Variants in CSMD1 observed in about 807,000 individuals in gnomAD.
CSMD1 encodes CUB and Sushi multiple domains 1.
CSMD1 carries 213 observed loss-of-function variants against 417.5 expected under a neutral mutation model. The observed-to-expected ratio is 0.51, with a 90% CI of 0.46 to 0.57. The LOEUF (loss-of-function observed/expected upper bound fraction) is 0.57, where lower values mean the gene tolerates loss of function less well. Among genes scored for constraint, CSMD1 ranks in the 20% least tolerant of loss-of-function variants. CSMD1 has a pLI of 0.00. For synonymous variants in CSMD1, 2,862 were observed against 1,736.8 expected, an observed-to-expected ratio of 1.65 and a Z score of -16.11; for missense variants, 6,923 against 4,529.7, an observed-to-expected ratio of 1.53 and a Z score of -15.17.
chr8:4,256,237 C>T (rs535223732), intron 3 of CSMD1, among the ~76,000 whole-genome samples: 1 of 152,296 alleles, frequency 6.6e-6, no homozygotes, highest in East Asian at 1.9e-4. Context: ...CTCAAACCAA[C>T]CTTCTCTCTC....
intron 3 of CSMD1, among the ~76,000 whole-genome samples, chr8:4,306,663 G>C (rs1394476): frequency 0.48 from 73,467 of 151,758 alleles, 19,164 homozygotes; most frequent in South Asian, 0.63. Flanking sequence ...ATCACATGTA[G>C]GTGATTGTAC....
chr8:4,236,231 G>A (rs571696392), intron 3 of CSMD1, among the ~76,000 whole-genome samples: 1 of 151,970 alleles, frequency 6.6e-6, no homozygotes, highest in African/African-American at 2.4e-5. Flanking sequence ...ATAATCCATC[G>A]CATCACCTAC....
intron 5 of CSMD1, among the ~76,000 whole-genome samples, chr8:3,918,478 CG>C (rs1279308754): frequency 6.6e-6 from 1 of 152,004 alleles, no homozygotes; most frequent in Non-Finnish European, 1.5e-5. Context: ...ACCTGTTGGA[CG>C]TTTGTATGTC....
chr8:3,808,789 T>A (rs887143769), intron 5 of CSMD1, among the ~76,000 whole-genome samples: 4 of 152,178 alleles, frequency 2.6e-5, no homozygotes, highest in Non-Finnish European at 4.4e-5. Flanking sequence ...TGTCTCGGAA[T>A]TGGAAAATTT....
intron 3 of CSMD1, among the ~76,000 whole-genome samples, chr8:4,403,920 C>T (rs1455620503): frequency 9.9e-5 from 15 of 152,196 alleles, no homozygotes; most frequent in Non-Finnish European, 2.2e-4. Context: ...GCATTAACTC[C>T]AATCTTCGCC....
At chr8:3,785,782 G>C (rs1799426101) in intron 5 of CSMD1, among the ~76,000 whole-genome samples, 1 of 152,070 alleles carries the variant, frequency 6.6e-6, no homozygotes, top group Admixed American at 6.5e-5. Flanking sequence ...ACCTGGAAGA[G>C]TAGGTAGGTC....
rs1037149026 is a variant in CSMD1, at chr8:4,475,661, G to T, written c.303-55596C>A. Among the ~76,000 whole-genome samples, 15 of 137,136 alleles carry T rather than the reference G, an allele frequency of 1.1e-4. No homozygotes were observed. In the Admixed American group the frequency reaches 1.1e-3, roughly 10 times the overall value. 90.0% of individuals were successfully genotyped at this position (137,136 alleles called of 152,430 possible). On this transcript the variant is annotated intron_variant, in intron 2 of 69. Coordinates refer to ENST00000635120, the MANE Select transcript of CSMD1 (RefSeq NM_033225.6). ...AGACGGAGTCGCCCTTTGTCACCCA[G>T]GCTGGAGTGCAGTGGCATGATCTCA... is the stretch of plus-strand genomic sequence containing the variant.
chr8:3,231,303 CA>C (rs1798820359), intron 26 of CSMD1, among the ~76,000 whole-genome samples: 1 of 151,978 alleles, frequency 6.6e-6, no homozygotes, highest in Non-Finnish European at 1.5e-5. Flanking sequence ...TAAGAGATGA[CA>C]ATTAAAAGCT....
At chr8:4,644,279 A>C (rs1803377894) in intron 1 of CSMD1, among the ~76,000 whole-genome samples, 1 of 152,184 alleles carries the variant, frequency 6.6e-6, no homozygotes, top group Admixed American at 6.5e-5. Context: ...ATGTGGGTCC[A>C]GCTACCCGAA....
intron 1 of CSMD1, among the ~76,000 whole-genome samples, chr8:4,653,769 G>A (rs1473395792): frequency 3.3e-5 from 5 of 152,090 alleles, no homozygotes; most frequent in Non-Finnish European, 7.3e-5. Context: ...ACTCCAAAGT[G>A]TAGTAGATAT....
chr8:4,275,964 G>C (rs1796462989), intron 3 of CSMD1, among the ~76,000 whole-genome samples: 1 of 152,192 alleles, frequency 6.6e-6, no homozygotes, highest in Non-Finnish European at 1.5e-5. Context: ...TAAAAAGTCA[G>C]GAAACAGCAG....
intron 3 of CSMD1, among the ~76,000 whole-genome samples, chr8:4,410,415 C>G (rs1410382415): frequency 1.3e-5 from 2 of 152,110 alleles, no homozygotes; most frequent in Non-Finnish European, 2.9e-5. Flanking sequence ...AATTAATTTT[C>G]CCTAACACTT....
intron 5 of CSMD1, among the ~76,000 whole-genome samples, chr8:3,774,872 G>C (rs1052274485): frequency 3.3e-5 from 5 of 152,212 alleles, no homozygotes; most frequent in Admixed American, 2.0e-4. Flanking sequence ...ACCACACAGA[G>C]TGCTGAGCCC....
chr8:4,537,648 T>C (rs367773264), intron 2 of CSMD1, among the ~76,000 whole-genome samples: 1 of 152,178 alleles, frequency 6.6e-6, no homozygotes. Flanking sequence ...AAATTAAGCA[T>C]TGATTTGCAT....
At chr8:4,435,828 G>A (rs987973365) in intron 2 of CSMD1, among the ~76,000 whole-genome samples, 1 of 152,160 alleles carries the variant, frequency 6.6e-6, no homozygotes, top group African/African-American at 2.4e-5. Flanking sequence ...TTCAGGGCAG[G>A]GTGTGTGACT....
intron 6 of CSMD1, among the ~76,000 whole-genome samples, chr8:3,715,243 G>A (rs930705396): frequency 6.6e-6 from 1 of 152,158 alleles, no homozygotes; most frequent in Non-Finnish European, 1.5e-5. Flanking sequence ...TAAGCGTTGA[G>A]CCAATTTCCT....
intron 2 of CSMD1, among the ~76,000 whole-genome samples, chr8:4,552,623 GA>G (rs568511660): frequency 0.018 from 2,642 of 148,474 alleles, 38 homozygotes; most frequent in Middle Eastern, 0.031. Context: ...TTCAATTGGG[GA>G]AAAAAAAAAT....
chr8:3,618,070 T>C (rs1457594379), intron 7 of CSMD1, among the ~76,000 whole-genome samples: 6 of 152,136 alleles, frequency 3.9e-5, no homozygotes, highest in Non-Finnish European at 7.4e-5. Flanking sequence ...GGCACAATCA[T>C]GGATCACTGC....
intron 3 of CSMD1, among the ~76,000 whole-genome samples, chr8:4,237,212 T>C (rs1802119360): frequency 6.6e-6 from 1 of 152,198 alleles, no homozygotes; most frequent in Non-Finnish European, 1.5e-5. Flanking sequence ...TGCAAATCAA[T>C]TGTTTAATTT....
Sources: gnomAD v4.1 joint callset for allele counts (sites outside exome capture counted in the v4.1 genomes callset) on GRCh38, gnomAD v4.1.1 for gene constraint, MANE v1.5 for transcripts, NCBI Gene and HGNC (gene_info 2026-07-23, HGNC 2026-07-21) for gene names.